PDHX: variants seen among roughly 807,000 people sequenced by gnomAD.
PDHX encodes pyruvate dehydrogenase complex component X.
PDHX carries 33 observed loss-of-function variants against 55.3 expected under a neutral mutation model. The ratio of observed to expected loss-of-function variants is 0.60; its 90% CI spans 0.45 to 0.80. The LOEUF is 0.80. PDHX is among the 30% of genes least tolerant of loss of function. The probability of loss-of-function intolerance (pLI) is 0.00; values close to 1 mark genes in which losing one functional copy is unlikely to be tolerated. For missense variants in PDHX, 622 were observed against 619.9 expected (o/e 1.00, Z -0.04); for synonymous variants, 226 against 219.4 (o/e 1.03, Z -0.27).
chr11:34,978,218 A>G, intron 8 of PDHX, 36 bp downstream of exon 8: 1 of 1,239,978 alleles, frequency 8.1e-7, no homozygotes, highest in Non-Finnish European at 1.2e-6. Flanking sequence ...TGTCTTCTTA[A>G]GTAGTTTCAT....
chr11:34,957,979 A>G (rs886818328), intron 4 of PDHX, among the ~76,000 whole-genome samples: 1 of 152,210 alleles, frequency 6.6e-6, no homozygotes, highest in African/African-American at 2.4e-5. Context: ...CTGATATAAA[A>G]TAGAATTCAT....
At chr11:34,920,762 C>G (rs1853860666) in intron 1 of PDHX, among the ~76,000 whole-genome samples, 1 of 151,896 alleles carries the variant, frequency 6.6e-6, no homozygotes, top group African/African-American at 2.4e-5. Flanking sequence ...TTCTTGTACT[C>G]TTATCTCTAC....
chr11:34,991,906 C>CAAAAAAAAAAAA (rs1169109545), intron 9 of PDHX, among the ~76,000 whole-genome samples: 1 of 37,298 alleles, frequency 2.7e-5, no homozygotes, highest in Non-Finnish European at 7.9e-5. Context: ...TGAGACTTCT[C>CAAAAAAAAAAAA]AAAAAAAAAA....
chr11:34,945,958 A>T (rs1026736011), intron 2 of PDHX, among the ~76,000 whole-genome samples: 1 of 152,220 alleles, frequency 6.6e-6, no homozygotes, highest in African/African-American at 2.4e-5. Flanking sequence ...ATTCTCAGCC[A>T]CTAATTCTTC....
intron 1 of PDHX, among the ~76,000 whole-genome samples, chr11:34,918,889 A>G (rs1418333936): frequency 6.6e-6 from 1 of 152,188 alleles, no homozygotes; most frequent in Non-Finnish European, 1.5e-5. Flanking sequence ...TTCAGTCTTT[A>G]TCACATTACG....
intron 1 of PDHX, among the ~76,000 whole-genome samples, chr11:34,921,636 C>T (rs75926294): frequency 0.011 from 1,621 of 152,166 alleles, 29 homozygotes; most frequent in African/African-American, 0.038. Context: ...ATTGTTTCTG[C>T]GCTAAGTAAT....
chr11:34,994,865 A>C, intron 10 of PDHX, 49 bp from the exon 11 acceptor site: 1 of 1,607,206 alleles, frequency 6.2e-7, no homozygotes, highest in African/African-American at 1.3e-5. Context: ...CGGAAAGGGG[A>C]CTTTGATTAA....
At chr11:34,987,273 G>A (rs1386085951) in intron 9 of PDHX, among the ~76,000 whole-genome samples, 1 of 152,136 alleles carries the variant, frequency 6.6e-6, no homozygotes, top group Non-Finnish European at 1.5e-5. Flanking sequence ...TTTCTTGTAT[G>A]AAGTACTCTT....
At chr11:34,954,891 T>C (rs77742078) in intron 3 of PDHX, among the ~76,000 whole-genome samples, 3,847 of 152,274 alleles carry the variant, frequency 0.025, 91 homozygotes, top group South Asian at 0.08. Flanking sequence ...AAGGAAACTT[T>C]ACTAAGGTCA....
intron 1 of PDHX, among the ~76,000 whole-genome samples, chr11:34,922,675 A>C (rs1378120048): frequency 6.6e-6 from 1 of 152,202 alleles, no homozygotes; most frequent in Admixed American, 6.5e-5. Context: ...ATCATTTTAG[A>C]ACAATTAAGG....
Position 34,966,707 on chromosome 11 carries a change from C to T in PDHX, c.709C>T (p.Pro237Ser). Reference protein sequence around the residue: ...KITESRPTPAPTATPTAPSPL... With the variant: ...KITESRPTPASTATPTAPSPL... ...TACCGAGTCCAGACCAACTCCAGCC[C>T]CCACAGCCACTCCCACAGCACCTTC... Residue 237 changes from proline (P) to serine (S), a missense_variant, in exon 6 of 11, where the codon CCC (proline) becomes TCC (serine). Pro to Ser is a moderately conservative substitution (Grantham distance 74). Coordinates refer to ENST00000227868, the MANE Select transcript of PDHX (RefSeq NM_003477.3). 1 of 1,614,114 alleles carries T rather than the reference C, an allele frequency of 6.2e-7. No homozygotes were observed. The highest frequency in any genetic ancestry group is 8.5e-7 in the Non-Finnish European group (1 of 1,180,006).
intron 5 of PDHX, among the ~76,000 whole-genome samples, chr11:34,962,569 G>C (rs1431862194): frequency 6.6e-6 from 1 of 152,152 alleles, no homozygotes; most frequent in African/African-American, 2.4e-5. Flanking sequence ...GAGATAGTTG[G>C]GGATTAGAGA....
intron 9 of PDHX, among the ~76,000 whole-genome samples, chr11:34,988,864 A>G (rs1025918249): frequency 6.6e-6 from 1 of 152,224 alleles, no homozygotes; most frequent in Non-Finnish European, 1.5e-5. Flanking sequence ...CCACATTCAC[A>G]TGATTTTTAG....
chr11:34,982,487 GT>G (rs1323739990), intron 8 of PDHX, among the ~76,000 whole-genome samples: 1 of 151,998 alleles, frequency 6.6e-6, no homozygotes, highest in East Asian at 1.9e-4. Context: ...CCGGGAGCTG[GT>G]TTTTTTGAAA....
At chr11:34,988,538 G>A (rs1267101356) in intron 9 of PDHX, among the ~76,000 whole-genome samples, 15 of 131,422 alleles carry the variant, frequency 1.1e-4, no homozygotes, top group African/African-American at 4.1e-4. Flanking sequence ...CAGCCTTCTA[G>A]AATCAGTAAT....
chr11:34,973,752 A>G (rs1565166092), intron 7 of PDHX, among the ~76,000 whole-genome samples: 1 of 152,174 alleles, frequency 6.6e-6, no homozygotes, highest in Non-Finnish European at 1.5e-5. Flanking sequence ...TGTAAGCCCC[A>G]GAATACATGT....
At chr11:34,944,002 A>G (rs1230972849) in intron 2 of PDHX, among the ~76,000 whole-genome samples, 2 of 151,488 alleles carry the variant, frequency 1.3e-5, no homozygotes, top group Non-Finnish European at 2.9e-5. Flanking sequence ...TGCTGTTATT[A>G]CTGTCCACTG....
upstream of PDHX, chr11:34,916,170 G>A: frequency 1.9e-6 from 3 of 1,571,312 alleles, no homozygotes; most frequent in South Asian, 2.3e-5. Context: ...TCCAGCCGCC[G>A]GGTCCCGCCT....
Position 34,966,741 on chromosome 11 carries a change from A to T in PDHX, c.743A>T (p.Gln248Leu). 1.9e-6 allele frequency: 3 copies of T among 1,614,144 alleles called. No individual in the cohort carries two copies. Among genetic ancestry groups the T allele is most frequent in the Non-Finnish European group, 2.5e-6 (3 of 1,180,002 alleles). The change falls in exon 6 of 11, where the codon CAG becomes CTG. Residue 248 changes from glutamine to leucine, a missense_variant. Coordinates refer to ENST00000227868, the MANE Select transcript of PDHX (RefSeq NM_003477.3). ...TATPTAPSPLQATAGPSYPRP... is the reference protein window; with the variant it reads ...TATPTAPSPLLATAGPSYPRP... Reference sequence around the variant, plus strand: ...ACTCCCACAGCACCTTCGCCCCTACAGGCCACAGCTGGACCATCTTATCCC... The same window carrying T: ...ACTCCCACAGCACCTTCGCCCCTACTGGCCACAGCTGGACCATCTTATCCC...
Sources: gnomAD v4.1 joint callset for allele counts (sites outside exome capture counted in the v4.1 genomes callset) on GRCh38, gnomAD v4.1.1 for gene constraint, MANE v1.5 for transcripts, NCBI Gene and HGNC (gene_info 2026-07-23, HGNC 2026-07-21) for gene names.